The following RBM20 variants were observed in gnomAD, a reference collection of about 807,000 sequenced individuals.
RBM20 encodes the protein RNA-binding protein 20.
In RBM20, 51 loss-of-function variants were observed where a neutral mutation model predicts 110.1. The observed-to-expected ratio is 0.46, with a 90% CI of 0.37 to 0.59. RBM20 has a LOEUF of 0.59. RBM20 is among the 20% of genes least tolerant of loss of function. The pLI is 0.00. For missense variants in RBM20, 1,512 were observed against 1,574.9 expected (o/e 0.96, Z 0.68); for synonymous variants, 589 against 618.2 (o/e 0.95, Z 0.70).
intron 1 of RBM20, among the ~76,000 whole-genome samples, chr10:110,658,251 C>T (rs1045492704): frequency 8.5e-5 from 13 of 152,286 alleles, no homozygotes; most frequent in Admixed American, 4.6e-4. Context: ...TAGAGCAGTT[C>T]GGTGGAGCAG....
At chr10:110,766,253 A>G (rs1844080721) in intron 1 of RBM20, among the ~76,000 whole-genome samples, 3 of 152,118 alleles carry the variant, frequency 2.0e-5, no homozygotes, top group Non-Finnish European at 1.5e-5. Context: ...TGTGATGAAG[A>G]TGGGCCTGTG....
At chr10:110,645,113 A>G (rs1861850250) in intron 1 of RBM20, among the ~76,000 whole-genome samples, 1 of 152,310 alleles carries the variant, frequency 6.6e-6, no homozygotes, top group African/African-American at 2.4e-5. Flanking sequence ...TTTGTAAACA[A>G]CATGTTTTAC....
At chr10:110,817,622 T>G (rs752265986) in intron 9 of RBM20, among the ~76,000 whole-genome samples, 1 of 152,210 alleles carries the variant, frequency 6.6e-6, no homozygotes, top group Non-Finnish European at 1.5e-5. Context: ...CAGTGATTTC[T>G]TAAATGAACA....
intron 1 of RBM20, among the ~76,000 whole-genome samples, chr10:110,690,657 C>T (rs1253989780): frequency 6.6e-6 from 1 of 152,148 alleles, no homozygotes; most frequent in African/African-American, 2.4e-5. Context: ...TCCTTTTTGT[C>T]TGGCTTATTT....
In RBM20 at chr10:110,801,926, T is replaced by A. The variant is rs1299833334; in HGVS notation, c.1800+2008T>A. Among the ~76,000 whole-genome samples, 5 of 152,280 alleles carry A rather than the reference T, an allele frequency of 3.3e-5. No individual in the cohort carries two copies. In the East Asian group the frequency reaches 9.6e-4, roughly 29 times the overall value. On this transcript the variant is annotated intron_variant, in intron 7 of 13. Transcript: ENST00000369519. ...TTTCATCTGTTTGTTGGCTGTTCCA[T>A]CTGGATCTTCTCTGATGGGCTGTTT...
intron 12 of RBM20, among the ~76,000 whole-genome samples, chr10:110,828,052 GCCTGCCAAGGCTT>G (rs1346738710): frequency 1.3e-5 from 2 of 152,338 alleles, no homozygotes; most frequent in East Asian, 3.9e-4. Context: ...GCCAGCGCGA[GCCTGCCAAGGCTT>G]GCTCTCAGTA....
chr10:110,747,496 T>C (rs541633332), intron 1 of RBM20, among the ~76,000 whole-genome samples: 1 of 152,174 alleles, frequency 6.6e-6, no homozygotes, highest in Non-Finnish European at 1.5e-5. Context: ...AGATCCTCTG[T>C]CCCAAGTTTC....
At chr10:110,747,570 T>A (rs940316426) in intron 1 of RBM20, among the ~76,000 whole-genome samples, 3 of 152,230 alleles carry the variant, frequency 2.0e-5, no homozygotes, top group African/African-American at 7.2e-5. Flanking sequence ...TAATCGTGGG[T>A]TACAATGCTT....
intron 1 of RBM20, among the ~76,000 whole-genome samples, chr10:110,777,915 G>C (rs1209039889): frequency 6.6e-6 from 1 of 152,240 alleles, no homozygotes; most frequent in African/African-American, 2.4e-5. Context: ...CTGGGAGGAA[G>C]AGTTGGCCCT....
At chr10:110,810,248 C>T (rs1844747371) in intron 7 of RBM20, 135 bp from the exon 8 acceptor site, 1 of 664,138 alleles carries the variant, frequency 1.5e-6, no homozygotes. Flanking sequence ...TTGGATTACA[C>T]CTTTTGTCTT....
intron 1 of RBM20, among the ~76,000 whole-genome samples, chr10:110,735,855 T>C (rs892104991): frequency 6.6e-6 from 1 of 152,188 alleles, no homozygotes; most frequent in African/African-American, 2.4e-5. Flanking sequence ...GAGTTTGGGG[T>C]ATTTGTTCAG....
At chr10:110,743,003 G>A (rs1843739232) in intron 1 of RBM20, among the ~76,000 whole-genome samples, 1 of 152,204 alleles carries the variant, frequency 6.6e-6, no homozygotes, top group African/African-American at 2.4e-5. Flanking sequence ...GTTGCACAGG[G>A]ACAGTGTGAA....
chr10:110,721,447 C>T (rs1843503360), intron 1 of RBM20, among the ~76,000 whole-genome samples: 2 of 152,192 alleles, frequency 1.3e-5, no homozygotes, highest in African/African-American at 4.8e-5. Context: ...CTTGTGAATG[C>T]CGTTTCCCAT....
chr10:110,682,531 C>T (rs953424969), intron 1 of RBM20, among the ~76,000 whole-genome samples: 4 of 152,128 alleles, frequency 2.6e-5, no homozygotes, highest in African/African-American at 7.2e-5. Flanking sequence ...TTTATGGAAA[C>T]GGGCAAAGGT....
Position 110,812,370 on chromosome 10 carries a change from C to G in RBM20, c.1973C>G (p.Ser658Cys), listed in dbSNP as rs397516598. 1.6e-5 allele frequency: 25 copies of G among 1,551,584 alleles called. No homozygotes were observed. The highest frequency in any genetic ancestry group is 2.0e-5 in the Non-Finnish European group (23 of 1,147,028). Residue 658 changes from serine (S) to cysteine (C), a missense_variant, in exon 9 of 14, where the codon TCC (serine) becomes TGC (cysteine). Around this residue, in one of 3 missense-constraint regions of RBM20, gnomAD observed 1,149 missense variants for 1,169.4 expected, o/e 0.98. Transcript: ENST00000369519. ...CCCAGCTTCACCTCCTGCAGCTCTT[C>G]CCACAGCCCTCCGGGCCCCTCCCGG... ...HTPSFTSCSSSHSPPGPSRAD... is the reference protein window; with the variant it reads ...HTPSFTSCSSCHSPPGPSRAD...
intron 1 of RBM20, among the ~76,000 whole-genome samples, chr10:110,728,355 C>G (rs957897059): frequency 6.6e-6 from 1 of 150,616 alleles, no homozygotes; most frequent in East Asian, 1.9e-4. Context: ...AAGGTCCCCA[C>G]TCTTCTCAGG....
intron 1 of RBM20, among the ~76,000 whole-genome samples, chr10:110,754,484 C>A (rs773953461): frequency 7.2e-5 from 11 of 152,198 alleles, no homozygotes; most frequent in Non-Finnish European, 1.5e-4. Context: ...GTTGGGCCTT[C>A]TGACTTATCC....
At chr10:110,762,958 G>C (rs1844026130) in intron 1 of RBM20, among the ~76,000 whole-genome samples, 1 of 152,246 alleles carries the variant, frequency 6.6e-6, no homozygotes, top group African/African-American at 2.4e-5. Context: ...AAGGCCAGAA[G>C]AGAAAGGCAG....
At chr10:110,690,355 G>GTGA (rs1446390727) in intron 1 of RBM20, among the ~76,000 whole-genome samples, 1 of 152,120 alleles carries the variant, frequency 6.6e-6, no homozygotes, top group African/African-American at 2.4e-5. Flanking sequence ...GCAGTGAGCT[G>GTGA]TGATAGTGCC....
Sources: gnomAD v4.1 joint callset for allele counts (sites outside exome capture counted in the v4.1 genomes callset) on GRCh38, gnomAD v4.1.1 for gene constraint, gnomAD v4.1.1 regional missense constraint, MANE v1.5 for transcripts, NCBI Gene and HGNC (gene_info 2026-07-23, HGNC 2026-07-21) for gene names.